AFAP1: variants seen among roughly 807,000 people sequenced by gnomAD.
The protein encoded by AFAP1 is actin filament associated protein 1.
AFAP1 carries 75 observed loss-of-function variants against 93.9 expected under a neutral mutation model. The ratio of observed to expected loss-of-function variants is 0.80; its 90% CI spans 0.66 to 0.97. The LOEUF is 0.97. AFAP1 is among the 50% of genes least tolerant of loss of function. The pLI is 0.00. For synonymous variants in AFAP1, 517 were observed against 430.7 expected (o/e 1.20, Z -2.48); for missense variants, 1,201 against 1,050.8 (o/e 1.14, Z -1.98).
chr4:7,838,620 G>A lies in AFAP1; in HGVS notation c.630C>T (p.Ser210=). 6.2e-7 allele frequency: 1 copy of A among 1,614,070 alleles called. No homozygotes were observed. The highest frequency in any genetic ancestry group is 2.2e-5 in the East Asian group (1 of 44,880). ...TCTTCAGCTCGTGCTTCTTCTTTTT[G>A]CTGTCTTTCGGGATGTACGTAATGT... is the stretch of plus-strand genomic sequence containing the variant. ...GCNITYIPKD[S]KKKKHELKIT... is the part of the protein sequence containing the mutation. The change falls in exon 6 of 18, where the codon AGC becomes AGT. Residue 210 remains serine, a synonymous_variant. Coordinates refer to ENST00000420658, the MANE Select transcript of AFAP1 (RefSeq NM_001134647.2).
chr4:7,810,915 C>G (rs1049346958), intron 8 of AFAP1, among the ~76,000 whole-genome samples: 2 of 152,256 alleles, frequency 1.3e-5, no homozygotes, highest in African/African-American at 4.8e-5. Flanking sequence ...CACCTCTCTC[C>G]ACTGCCGAGG....
At position 7,761,504 on chromosome 4, in the gene AFAP1, C is replaced by G. The variant is rs1460192549; in HGVS notation, c.*2261G>C. On this transcript the variant is annotated 3_prime_UTR_variant, in exon 18 of 18. Coordinates refer to ENST00000420658, the MANE Select transcript of AFAP1 (RefSeq NM_001134647.2). The stretch of plus-strand genomic sequence containing the variant: ...GAAGCTGGTGGGTGACGGCTAAGGC[C>G]CACGTGACACTTTGCGTGCTGCTCA... The G allele has an allele frequency of 6.6e-6, 1 of 152,290 alleles. No homozygotes were observed. Among genetic ancestry groups the G allele is most frequent in the Non-Finnish European group, 1.5e-5 (1 of 68,074 alleles). The allele number at this position is 152,290 out of a possible 1,614,324, so 9.4% of individuals were successfully genotyped here.
intron 1 of AFAP1, among the ~76,000 whole-genome samples, chr4:7,918,964 GT>G (rs1720275426): frequency 1.4e-5 from 2 of 142,206 alleles, no homozygotes; most frequent in Admixed American, 7.2e-5. Flanking sequence ...AAACAGGGCT[GT>G]TGGAAGAGAC....
At position 7,809,770 on chromosome 4, in the gene AFAP1, A is replaced by G; in HGVS notation, c.905-7T>C. The G allele has an allele frequency of 6.2e-7, 1 of 1,609,820 alleles. No individual in the cohort carries two copies. The highest frequency in any genetic ancestry group is 8.5e-7 in the Non-Finnish European group (1 of 1,178,876). On this transcript the variant is annotated splice_polypyrimidine_tract_variant and splice_region_variant and intron_variant, in intron 8 of 17. Transcript: ENST00000420658. The stretch of plus-strand genomic sequence containing the variant: ...GAACTTTTCTTCCTCTTCACTGTCA[A>G]GAGTAACAACAGCAAAAAAGCATGT...
In AFAP1 at chr4:7,800,902, C is replaced by T. The variant is rs140500851; in HGVS notation, c.1055-249G>A. Among the ~76,000 whole-genome samples the T allele has an allele frequency of 6.6e-5, 10 of 152,308 alleles. No individual in the cohort carries two copies. In the East Asian group the frequency reaches 1.9e-3, roughly 29 times the overall value. Reference sequence around the variant, plus strand: ...GAAGCCCCTCATTTAACATGTGCAACGAACCAGTTACCAGATGCCTGGTGT... The same window carrying T: ...GAAGCCCCTCATTTAACATGTGCAATGAACCAGTTACCAGATGCCTGGTGT... On this transcript the variant is annotated intron_variant, in intron 9 of 17. Transcript: ENST00000420658.
intron 16 of AFAP1, chr4:7,772,496 C>T (rs1187473145): frequency 8.0e-6 from 2 of 249,796 alleles, no homozygotes; most frequent in East Asian, 7.9e-5. Context: ...ACCGGCTCTA[C>T]TGAACTGGCA....
chr4:7,844,301 A>C (rs1436761687), intron 4 of AFAP1, among the ~76,000 whole-genome samples: 1 of 151,870 alleles, frequency 6.6e-6, no homozygotes, highest in Non-Finnish European at 1.5e-5. Context: ...AGAGAGAGAG[A>C]GCTCTGTCCC....
At chr4:7,855,854 A>G (rs1314592904) in intron 3 of AFAP1, among the ~76,000 whole-genome samples, 1 of 152,162 alleles carries the variant, frequency 6.6e-6, no homozygotes. Context: ...CATCCACGAC[A>G]CAGAATGCCC....
chr4:7,799,401 A>G (rs988693224), intron 10 of AFAP1, among the ~76,000 whole-genome samples: 1 of 152,028 alleles, frequency 6.6e-6, no homozygotes, highest in African/African-American at 2.4e-5. Context: ...CAAGATCTTC[A>G]GAAAGACTGC....
intron 1 of AFAP1, among the ~76,000 whole-genome samples, chr4:7,912,477 CTTTTT>C (rs369243945): frequency 6.6e-5 from 10 of 152,270 alleles, no homozygotes; most frequent in African/African-American, 1.4e-4. Context: ...TTTGTTATTA[CTTTTT>C]ATTTTAGCCA....
In AFAP1 at chr4:7,781,599, G is replaced by A. The variant is rs558012750; in HGVS notation, c.1559C>T (p.Ser520Phe). Reference sequence around the variant, plus strand: ...CTCTTCTCCCAAGCCTCTGCTGCAGGAAGCAGGAAAGCCGTCTTCCGGTTC... The same window carrying A: ...CTCTTCTCCCAAGCCTCTGCTGCAGAAAGCAGGAAAGCCGTCTTCCGGTTC... ...SWEPEDGFPA[S>F]CSRGLGEEVL... Residue 520 changes from serine (S) to phenylalanine (F), a missense_variant, in exon 13 of 18, where the codon TCC (serine) becomes TTC (phenylalanine). Coordinates refer to ENST00000420658, the MANE Select transcript of AFAP1 (RefSeq NM_001134647.2). 3 of 1,551,846 alleles carry A rather than the reference G, an allele frequency of 1.9e-6. No homozygotes were observed. In the South Asian group the frequency reaches 3.6e-5, roughly 18 times the overall value.
In AFAP1 at chr4:7,762,463, C is replaced by G. The variant is rs1302688017; in HGVS notation, c.*1302G>C. 1.3e-5 allele frequency: 2 copies of G among 152,200 alleles called. No individual in the cohort carries two copies. The highest frequency in any genetic ancestry group is 4.8e-5 in the African/African-American group (2 of 41,446). 9.4% of individuals were successfully genotyped at this position (152,200 alleles called of 1,614,324 possible). ...TTCGTCATAAGTGACTGCATCTTCCCGTACTGGAGAATTCCTGACAGCAGC... is the reference window on the plus strand; with the variant it reads ...TTCGTCATAAGTGACTGCATCTTCCGGTACTGGAGAATTCCTGACAGCAGC... On this transcript the variant is annotated 3_prime_UTR_variant, in exon 18 of 18. Transcript: ENST00000420658.
intron 1 of AFAP1, among the ~76,000 whole-genome samples, chr4:7,896,910 C>T (rs965069104): frequency 2.0e-5 from 3 of 151,808 alleles, no homozygotes; most frequent in Middle Eastern, 3.2e-3. Flanking sequence ...GCATGTGACA[C>T]GGTGTGACAC....
At chr4:7,771,549 T>C (rs1324596609) in intron 16 of AFAP1, among the ~76,000 whole-genome samples, 1 of 152,184 alleles carries the variant, frequency 6.6e-6, no homozygotes, top group Non-Finnish European at 1.5e-5. Context: ...TGGGAAGATG[T>C]GAATGATGTG....
At chr4:7,855,328 T>C (rs1049740943) in intron 4 of AFAP1, 138 bp downstream of exon 4, 42 of 639,662 alleles carry the variant, frequency 6.6e-5, no homozygotes, top group South Asian at 3.5e-4. Flanking sequence ...GTACTGACAA[T>C]CTCTTTGGGT....
chr4:7,852,170 T>G (rs1441876435), intron 4 of AFAP1, among the ~76,000 whole-genome samples: 1 of 152,154 alleles, frequency 6.6e-6, no homozygotes, highest in African/African-American at 2.4e-5. Flanking sequence ...TGTTCTGACT[T>G]GGTGGTACTG....
rs532721382 is a variant in AFAP1 at position 7,863,001 on chromosome 4, C to T, written c.225+5621G>A. On this transcript the variant is annotated intron_variant, in intron 3 of 17. Transcript: ENST00000420658. The stretch of plus-strand genomic sequence containing the variant: ...TGGGTCACGGCAGCCAGCGTCAGCA[C>T]AGATGGGATCCATTTCCCAGGACCT... 1.1e-4 allele frequency among the ~76,000 whole-genome samples: 17 copies of T among 152,328 alleles called. No homozygotes were observed. In the East Asian group the frequency reaches 3.1e-3, roughly 28 times the overall value.
intron 5 of AFAP1, among the ~76,000 whole-genome samples, chr4:7,840,267 T>TGTGTGTGTGTGCGC (rs140323830): frequency 6.9e-6 from 1 of 144,822 alleles, no homozygotes; most frequent in Admixed American, 6.8e-5. Context: ...TTGGGATGTG[T>TGTGTGTGTGTGCGC]GTGTGTGTGT....
At chr4:7,836,057 A>G (rs1233261328) in intron 6 of AFAP1, among the ~76,000 whole-genome samples, 1 of 152,186 alleles carries the variant, frequency 6.6e-6, no homozygotes, top group Non-Finnish European at 1.5e-5. Flanking sequence ...GACCCCCGTG[A>G]AAAAGAATGA....
Sources: gnomAD v4.1 joint callset for allele counts (sites outside exome capture counted in the v4.1 genomes callset) on GRCh38, gnomAD v4.1.1 for gene constraint, MANE v1.5 for transcripts, NCBI Gene and HGNC (gene_info 2026-07-23, HGNC 2026-07-21) for gene names.